The following PARD3 variants were observed in gnomAD, a reference collection of about 807,000 sequenced individuals.
PARD3 encodes par-3 family cell polarity regulator.
Under a neutral mutation model 155.4 loss-of-function variants are expected in PARD3, and 75 were observed. The ratio of observed to expected loss-of-function variants is 0.48; its 90% CI spans 0.40 to 0.58. The LOEUF (loss-of-function observed/expected upper bound fraction) is 0.58, where lower values mean the gene tolerates loss of function less well. Ranked by LOEUF, PARD3 falls within the 20% of genes least tolerant of loss-of-function variation. PARD3 has a pLI of 0.00. For synonymous variants in PARD3, 576 were observed against 610.5 expected, an observed-to-expected ratio of 0.94 and a Z score of 0.83; for missense variants, 1,642 against 1,721.7, an observed-to-expected ratio of 0.95 and a Z score of 0.82.
At chr10:34,308,383 A>C (rs1399135217) in intron 20 of PARD3, among the ~76,000 whole-genome samples, 2 of 152,228 alleles carry the variant, frequency 1.3e-5, no homozygotes, top group African/African-American at 4.8e-5. Flanking sequence ...CCACTGGGGC[A>C]CAGTAACAGC....
chr10:34,213,475 T>G (rs899108313), intron 22 of PARD3, among the ~76,000 whole-genome samples: 10 of 152,176 alleles, frequency 6.6e-5, no homozygotes, highest in Non-Finnish European at 1.0e-4. Context: ...ATGAACTATG[T>G]CCTAACCACA....
intron 22 of PARD3, among the ~76,000 whole-genome samples, chr10:34,255,319 C>T (rs1320010299): frequency 6.6e-6 from 1 of 152,198 alleles, no homozygotes; most frequent in African/African-American, 2.4e-5. Flanking sequence ...CCTTGCTCAA[C>T]TGGTCCTCTA....
intron 21 of PARD3, among the ~76,000 whole-genome samples, chr10:34,272,820 GAA>G (rs1205793776): frequency 6.6e-6 from 1 of 152,160 alleles, no homozygotes; most frequent in Non-Finnish European, 1.5e-5. Flanking sequence ...CAAAAGACAT[GAA>G]AAGATGTTTC....
At chr10:34,762,469 C>CTTTATT (rs1170739078) in intron 1 of PARD3, among the ~76,000 whole-genome samples, 2 of 98,660 alleles carry the variant, frequency 2.0e-5, no homozygotes, top group Non-Finnish European at 3.9e-5. Context: ...CCATGCCTGA[C>CTTTATT]TTTTTTTTTT....
intron 14 of PARD3, among the ~76,000 whole-genome samples, chr10:34,355,924 CAAAA>C (rs869284165): frequency 1.2e-4 from 5 of 42,742 alleles, no homozygotes; most frequent in African/African-American, 3.5e-4. Context: ...CACTCCGTCT[CAAAA>C]AAAAAAAAAA....
intron 2 of PARD3, among the ~76,000 whole-genome samples, chr10:34,685,544 G>C (rs1424177139): frequency 6.6e-6 from 1 of 151,892 alleles, no homozygotes; most frequent in Non-Finnish European, 1.5e-5. Context: ...GTAAACCGGT[G>C]GCTTAAACAT....
chr10:34,402,611 T>G (rs1391158865), intron 5 of PARD3, among the ~76,000 whole-genome samples: 1 of 152,182 alleles, frequency 6.6e-6, no homozygotes, highest in African/African-American at 2.4e-5. Flanking sequence ...AAGGACAAGC[T>G]AAAGTAACAA....
At chr10:34,563,117 A>G (rs370745906) in intron 2 of PARD3, among the ~76,000 whole-genome samples, 1 of 152,324 alleles carries the variant, frequency 6.6e-6, no homozygotes, top group East Asian at 1.9e-4. Context: ...AATTCCATGA[A>G]TATCAGTTAA....
intron 3 of PARD3, among the ~76,000 whole-genome samples, chr10:34,501,518 G>A (rs1230773349): frequency 6.6e-6 from 1 of 152,040 alleles, no homozygotes. Context: ...GTAAGAATGG[G>A]TGAATACACT....
intron 22 of PARD3, among the ~76,000 whole-genome samples, chr10:34,191,067 T>C (rs975070566): frequency 4.6e-5 from 7 of 152,022 alleles, no homozygotes; most frequent in Admixed American, 6.6e-5. Flanking sequence ...GTGAGATTTG[T>C]GTTTTAAGAA....
chr10:34,675,378 A>G (rs1792342448), intron 2 of PARD3, among the ~76,000 whole-genome samples: 1 of 152,198 alleles, frequency 6.6e-6, no homozygotes, highest in Non-Finnish European at 1.5e-5. Flanking sequence ...CTAGGTGTCA[A>G]AGAAGATGAT....
intron 22 of PARD3, among the ~76,000 whole-genome samples, chr10:34,137,386 T>C (rs985051804): frequency 1.3e-5 from 2 of 152,146 alleles, no homozygotes; most frequent in East Asian, 1.9e-4. Flanking sequence ...ATTTCCCTAG[T>C]AGAAGCCTCT....
In PARD3 at chr10:34,367,057, AT is replaced by A. The variant is rs1422148437; in HGVS notation, c.1707+5440del. Among the ~76,000 whole-genome samples, 18 of 152,354 alleles carry A rather than the reference AT, an allele frequency of 1.2e-4. 1 individual carries two copies. The highest frequency in any genetic ancestry group is 4.1e-4 in the African/African-American group (17 of 41,582). On this transcript the variant is annotated intron_variant, in intron 12 of 24. Coordinates refer to ENST00000374788, the MANE Select transcript of PARD3 (RefSeq NM_001184785.2). The stretch of plus-strand genomic sequence containing the variant: ...TGCTGAGGAAAAAATGTTTTGCACA[AT>A]TATTAATCTCTAATGTTAACTCCCA...
intron 2 of PARD3, among the ~76,000 whole-genome samples, chr10:34,517,869 T>G (rs2081888258): frequency 6.6e-6 from 1 of 152,140 alleles, no homozygotes; most frequent in South Asian, 2.1e-4. Context: ...GCTCAGTTTT[T>G]GTTTGTTTGT....
chr10:34,486,426 G>A (rs1020382049), intron 3 of PARD3, among the ~76,000 whole-genome samples: 1 of 152,192 alleles, frequency 6.6e-6, no homozygotes, highest in African/African-American at 2.4e-5. Flanking sequence ...GGGCAATGGT[G>A]GTGGTGCCTG....
chr10:34,168,067 C>CT (rs1338025743), intron 22 of PARD3, among the ~76,000 whole-genome samples: 2 of 151,796 alleles, frequency 1.3e-5, no homozygotes, highest in Non-Finnish European at 2.9e-5. Context: ...TTCTTTTCTT[C>CT]TTTTTTTCCT....
intron 1 of PARD3, among the ~76,000 whole-genome samples, chr10:34,700,847 C>A (rs2094261188): frequency 6.6e-6 from 1 of 152,094 alleles, no homozygotes; most frequent in Non-Finnish European, 1.5e-5. Flanking sequence ...TGGCGTGCGC[C>A]TGTAGTCCCA....
chr10:34,434,548 G>A (rs926420587), intron 5 of PARD3, among the ~76,000 whole-genome samples: 4 of 152,156 alleles, frequency 2.6e-5, no homozygotes, highest in African/African-American at 9.7e-5. Flanking sequence ...CCTGGGTATG[G>A]TCAGAGCCCC....
chr10:34,379,627 GCAA>G (rs879941320), intron 9 of PARD3, among the ~76,000 whole-genome samples: 2 of 151,996 alleles, frequency 1.3e-5, no homozygotes, highest in Admixed American at 6.6e-5. Context: ...TAAAATATCA[GCAA>G]CAACCCCTAA....
Sources: gnomAD v4.1 joint callset for allele counts (sites outside exome capture counted in the v4.1 genomes callset) on GRCh38, gnomAD v4.1.1 for gene constraint, MANE v1.5 for transcripts, NCBI Gene and HGNC (gene_info 2026-07-23, HGNC 2026-07-21) for gene names.